PTPRD: variants seen among roughly 807,000 people sequenced by gnomAD.
PTPRD encodes protein tyrosine phosphatase receptor type D, also known as receptor-type tyrosine-protein phosphatase delta.
Under a neutral mutation model 214.5 loss-of-function variants are expected in PTPRD, and 34 were observed. The ratio of observed to expected loss-of-function variants is 0.16; its 90% CI spans 0.12 to 0.21. The LOEUF is 0.21. Among genes scored for constraint, PTPRD ranks in the 10% least tolerant of loss-of-function variants. The pLI is 1.00. For missense variants in PTPRD, 2,545 were observed against 2,398.7 expected (o/e 1.06, Z -1.27); for synonymous variants, 1,128 against 845.7 (o/e 1.33, Z -5.79).
At position 9,388,679 on chromosome 9, in the gene PTPRD, G is replaced by A. The variant is rs530103852; in HGVS notation, c.-203+8770C>T. The stretch of plus-strand genomic sequence containing the variant: ...TGTACCAGGAAAGTTTTAAATATAC[G>A]AGCTGAAATCTGCCATAAAAAAATT... On this transcript the variant is annotated intron_variant, in intron 9 of 45. Transcript: ENST00000381196. Among the ~76,000 whole-genome samples the A allele has an allele frequency of 2.5e-3, 373 of 152,132 alleles. 4 individuals carry two copies. The highest frequency in any genetic ancestry group is 3.7e-3 in the African/African-American group (154 of 41,518).
At chr9:9,687,186 C>A (rs571590455) in intron 7 of PTPRD, among the ~76,000 whole-genome samples, 1 of 151,788 alleles carries the variant, frequency 6.6e-6, no homozygotes, top group Non-Finnish European at 1.5e-5. Context: ...AAGGCACACT[C>A]GTGAGTTCCT....
chr9:9,457,440 A>G (rs535178490), intron 8 of PTPRD, among the ~76,000 whole-genome samples: 2 of 152,124 alleles, frequency 1.3e-5, no homozygotes, highest in African/African-American at 2.4e-5. Context: ...GCTGAAAAAT[A>G]TAATTCTGTG....
At chr9:9,967,669 G>C (rs2094801548) in intron 4 of PTPRD, among the ~76,000 whole-genome samples, 1 of 152,150 alleles carries the variant, frequency 6.6e-6, no homozygotes, top group African/African-American at 2.4e-5. Context: ...GATTAAAACA[G>C]AAAATGAGAA....
intron 24 of PTPRD, among the ~76,000 whole-genome samples, 171 bp downstream of exon 24, chr9:8,500,583 A>AAAAAAAAAAAAAAG (rs1563868169): frequency 1.6e-4 from 23 of 146,312 alleles, no homozygotes; most frequent in African/African-American, 3.1e-4. Flanking sequence ...AAAAAAAAAA[A>AAAAAAAAAAAAAAG]AAAAAAAGGC....
At chr9:8,396,327 G>T (rs769475699) in intron 36 of PTPRD, among the ~76,000 whole-genome samples, 5 of 152,052 alleles carry the variant, frequency 3.3e-5, no homozygotes, top group African/African-American at 7.2e-5. Context: ...AATCTGGAAG[G>T]CCCCTTTCTA....
chr9:10,313,419 A>ACACACACACACACAC (rs1565224241), intron 3 of PTPRD, among the ~76,000 whole-genome samples: 26 of 91,882 alleles, frequency 2.8e-4, no homozygotes, highest in Non-Finnish European at 4.7e-4. Flanking sequence ...CACACACACA[A>ACACACACACACACAC]ATTTTTAAAA....
chr9:8,319,584 G>C (rs1309827909), intron 45 of PTPRD, among the ~76,000 whole-genome samples: 2 of 151,848 alleles, frequency 1.3e-5, no homozygotes, highest in Non-Finnish European at 2.9e-5. Flanking sequence ...GTCAAAAATG[G>C]TCCAGTAGTA....
chr9:9,808,840 T>C (rs947380069), intron 5 of PTPRD, among the ~76,000 whole-genome samples: 7 of 152,258 alleles, frequency 4.6e-5, no homozygotes, highest in East Asian at 1.9e-4. Flanking sequence ...GGCTCAATCA[T>C]AGCTCACTGA....
chr9:9,123,011 G>C (rs1200523767), intron 10 of PTPRD, among the ~76,000 whole-genome samples: 1 of 152,112 alleles, frequency 6.6e-6, no homozygotes, highest in African/African-American at 2.4e-5. Context: ...CACTGTTTTT[G>C]TTGTTGTTGT....
At chr9:9,141,381 A>C (rs2154481045) in intron 10 of PTPRD, among the ~76,000 whole-genome samples, 1 of 152,150 alleles carries the variant, frequency 6.6e-6, no homozygotes, top group East Asian at 1.9e-4. Context: ...GTTTTAATGC[A>C]GTGAAATTGT....
intron 11 of PTPRD, among the ~76,000 whole-genome samples, chr9:8,786,724 G>A (rs1257454424): frequency 6.7e-6 from 1 of 149,230 alleles, no homozygotes; most frequent in African/African-American, 2.4e-5. Context: ...CAAACATTTG[G>A]AGTTTTATAC....
chr9:9,387,421 C>T (rs777057833), intron 9 of PTPRD, among the ~76,000 whole-genome samples: 2 of 151,974 alleles, frequency 1.3e-5, no homozygotes, highest in African/African-American at 2.4e-5. Flanking sequence ...TTATTGAGGA[C>T]ATTTATTCGT....
intron 2 of PTPRD, among the ~76,000 whole-genome samples, chr9:10,519,089 A>G (rs573143638): frequency 6.6e-6 from 1 of 152,040 alleles, no homozygotes; most frequent in African/African-American, 2.4e-5. Flanking sequence ...CCTCATTGTC[A>G]GACGAGAAAC....
At chr9:8,553,421 T>A (rs2082705442) in intron 14 of PTPRD, among the ~76,000 whole-genome samples, 1 of 152,196 alleles carries the variant, frequency 6.6e-6, no homozygotes, top group Non-Finnish European at 1.5e-5. Context: ...TGGTTTGCTT[T>A]CATGTATCTT....
chr9:9,304,801 G>T (rs1956595696), intron 9 of PTPRD, among the ~76,000 whole-genome samples: 1 of 151,092 alleles, frequency 6.6e-6, no homozygotes, highest in Non-Finnish European at 1.5e-5. Context: ...CAGTCTTATT[G>T]TTCATTCACA....
chr9:8,497,819 T>C (rs190558767), intron 25 of PTPRD, among the ~76,000 whole-genome samples: 2 of 152,332 alleles, frequency 1.3e-5, no homozygotes, highest in African/African-American at 2.4e-5. Context: ...TTTGGTATTA[T>C]ATAATTTCGT....
At chr9:8,797,781 A>G (rs1323159262) in intron 11 of PTPRD, among the ~76,000 whole-genome samples, 6 of 152,200 alleles carry the variant, frequency 3.9e-5, no homozygotes, top group Non-Finnish European at 8.8e-5. Context: ...CAAGGTCCTC[A>G]AGAGTAGAGA....
At chr9:10,149,958 T>C (rs1405318541) in intron 3 of PTPRD, among the ~76,000 whole-genome samples, 2 of 152,062 alleles carry the variant, frequency 1.3e-5, no homozygotes, top group Non-Finnish European at 2.9e-5. Flanking sequence ...CTTGAACTCT[T>C]GACATCATGA....
chr9:9,206,978 G>T (rs1468571862), intron 9 of PTPRD, among the ~76,000 whole-genome samples: 6 of 152,208 alleles, frequency 3.9e-5, no homozygotes, highest in African/African-American at 1.4e-4. Context: ...CTAATACAAA[G>T]CTATTGTAAT....
Sources: gnomAD v4.1 joint callset for allele counts (sites outside exome capture counted in the v4.1 genomes callset) on GRCh38, gnomAD v4.1.1 for gene constraint, MANE v1.5 for transcripts, NCBI Gene and HGNC (gene_info 2026-07-23, HGNC 2026-07-21) for gene names.